AIFM2: variants seen among roughly 807,000 people sequenced by gnomAD.
AIFM2 encodes ferroptosis suppressor protein 1.
Under a neutral mutation model 35.7 loss-of-function variants are expected in AIFM2, and 38 were observed. The observed-to-expected ratio is 1.06, with a 90% confidence interval of 0.82 to 1.39. The LOEUF (loss-of-function observed/expected upper bound fraction) is 1.39. AIFM2 is among the 40% of genes most tolerant of loss of function. The probability of loss-of-function intolerance (pLI) is 0.00; values close to 1 mark genes in which losing one functional copy is unlikely to be tolerated. For missense variants in AIFM2, 476 were observed against 491.2 expected (o/e 0.97, Z 0.29); for synonymous variants, 185 against 203.5 (o/e 0.91, Z 0.77).
rs767679349 is a variant in AIFM2 at position 70,123,928 on chromosome 10, G to A, written c.157C>T (p.Leu53Phe). Residue 53 changes from leucine to phenylalanine, a missense_variant, in exon 2 of 9, where the codon CTC becomes TTC. By Grantham distance (22) the Leu-to-Phe change is conservative (BLOSUM62 0). Transcript: ENST00000307864. Reference sequence around the variant, plus strand: ...TTACCTGTCTCCACGGAGGCTCGGAGAGCAGCCACATTGTGGTGGAAGGAG... The same window carrying A: ...TTACCTGTCTCCACGGAGGCTCGGAAAGCAGCCACATTGTGGTGGAAGGAG... ...KDSFHHNVAALRASVETGFAK... is the reference protein window; with the variant it reads ...KDSFHHNVAAFRASVETGFAK... The A allele has an allele frequency of 6.3e-7, 1 of 1,596,816 alleles. No homozygotes were observed. Among genetic ancestry groups the A allele is most frequent in the East Asian group, 2.3e-5 (1 of 44,276 alleles).
chr10:70,115,628 T>C (rs1029091476), intron 7 of AIFM2, among the ~76,000 whole-genome samples: 1 of 152,116 alleles, frequency 6.6e-6, no homozygotes, highest in Non-Finnish European at 1.5e-5. Flanking sequence ...TAGCCGGGCT[T>C]AGTGGCATAC....
chr10:70,130,639 A>T (rs186768046), intron 1 of AIFM2, among the ~76,000 whole-genome samples: 1 of 152,308 alleles, frequency 6.6e-6, no homozygotes, highest in Admixed American at 6.5e-5. Flanking sequence ...ATTTGTGTAC[A>T]GGTTTTTGTG....
intron 7 of AIFM2, among the ~76,000 whole-genome samples, chr10:70,116,259 G>A (rs2072434203): frequency 6.6e-6 from 1 of 152,220 alleles, no homozygotes. Flanking sequence ...TGGGTTTGGG[G>A]GCGGCAGCAC....
Position 70,124,012 on chromosome 10 carries a change from C to G in AIFM2, c.73G>C (p.Ala25Pro). Residue 25 changes from alanine (A) to proline (P), a missense_variant, in exon 2 of 9, where the codon GCA (alanine) becomes CCA (proline). Ala to Pro is a conservative substitution (Grantham distance 27). Transcript: ENST00000307864. ...VIVGGGFGGI[A>P]AASQLQALNV... ...AGGGCCTGCAGCTGGCTGGCTGCTGCGATCCCGCCAAAGCCCCCACCCACA... is the reference window on the plus strand; with the variant it reads ...AGGGCCTGCAGCTGGCTGGCTGCTGGGATCCCGCCAAAGCCCCCACCCACA... 6.2e-7 allele frequency: 1 copy of G among 1,612,070 alleles called. No homozygotes were observed. The highest frequency in any genetic ancestry group is 8.5e-7 in the Non-Finnish European group (1 of 1,178,994).
intron 7 of AIFM2, 40 bp downstream of exon 7, chr10:70,116,582 C>T (rs1438670032): frequency 1.2e-6 from 2 of 1,610,814 alleles, no homozygotes; most frequent in Admixed American, 3.3e-5. Context: ...TACTGGAGAG[C>T]AAGGAGGCAC....
At chr10:70,130,375 G>A (rs1287372094) in intron 1 of AIFM2, among the ~76,000 whole-genome samples, 1 of 152,032 alleles carries the variant, frequency 6.6e-6, no homozygotes, top group African/African-American at 2.4e-5. Flanking sequence ...CTATAGATTT[G>A]TCTGTTCTAG....
intron 1 of AIFM2, among the ~76,000 whole-genome samples, chr10:70,129,148 A>C (rs2072600601): frequency 7.0e-6 from 1 of 142,978 alleles, no homozygotes; most frequent in South Asian, 2.2e-4. Context: ...TTTTTTGTAG[A>C]GATGAGGGTC....
At chr10:70,115,260 A>C in intron 7 of AIFM2, 140 bp from the exon 8 acceptor site, 1 of 831,140 alleles carries the variant, frequency 1.2e-6, no homozygotes, top group South Asian at 1.6e-5. Context: ...CACCCCCTGG[A>C]GGTGCCTGCT....
intron 8 of AIFM2, 142 bp from the exon 9 acceptor site, chr10:70,114,471 T>A (rs2072411479): frequency 7.2e-6 from 7 of 978,912 alleles, no homozygotes; most frequent in Non-Finnish European, 1.0e-5. Flanking sequence ...GAGACCCTGA[T>A]TTTTTTTTGT....
chr10:70,121,995 G>A (rs971029940), intron 3 of AIFM2, among the ~76,000 whole-genome samples: 1 of 151,896 alleles, frequency 6.6e-6, no homozygotes, highest in Non-Finnish European at 1.5e-5. Context: ...AGGAGGCTGG[G>A]GCAGGAGGAT....
At chr10:70,129,941 T>C (rs1444395310) in intron 1 of AIFM2, among the ~76,000 whole-genome samples, 1 of 151,902 alleles carries the variant, frequency 6.6e-6, no homozygotes, top group Non-Finnish European at 1.5e-5. Flanking sequence ...CCCAACACTT[T>C]GGGAGGCCAA....
intron 5 of AIFM2, 106 bp downstream of exon 5, chr10:70,120,401 A>G (rs1564552342): frequency 8.7e-7 from 1 of 1,145,870 alleles, no homozygotes; most frequent in Admixed American, 1.7e-5. Flanking sequence ...AGTTTATGTG[A>G]ATAGAGCTCC....
At chr10:70,116,361 G>A (rs549449732) in intron 7 of AIFM2, among the ~76,000 whole-genome samples, 6 of 152,216 alleles carry the variant, frequency 3.9e-5, no homozygotes, top group Admixed American at 6.5e-5. Flanking sequence ...TCTCTCTGAC[G>A]CCTGTTCCCA....
intron 1 of AIFM2, among the ~76,000 whole-genome samples, chr10:70,130,931 GACAC>G (rs371849602): frequency 6.6e-6 from 1 of 151,642 alleles, no homozygotes; most frequent in African/African-American, 2.4e-5. Flanking sequence ...CATACACACA[GACAC>G]ACACACACAC....
intron 7 of AIFM2, among the ~76,000 whole-genome samples, chr10:70,115,599 C>T (rs2072427334): frequency 6.6e-6 from 1 of 152,164 alleles, no homozygotes; most frequent in African/African-American, 2.4e-5. Context: ...AAACCCATCT[C>T]TACTAAAAAT....
In AIFM2 at chr10:70,123,817, T is replaced by C. The variant is rs554634766; in HGVS notation, c.178+90A>G. On this transcript the variant is annotated intron_variant, in intron 2 of 8. Coordinates refer to ENST00000307864, the MANE Select transcript of AIFM2 (RefSeq NM_032797.6). ...TGGAATGCAGGCACTTGGCCCTAAA[T>C]GGAGAAAACCACCCCCAGCCCTAAA... The C allele has an allele frequency of 1.5e-5, 21 of 1,359,806 alleles. No individual in the cohort carries two copies. The African/African-American group carries it at 3.0e-4, about 19-fold the overall frequency. The allele number at this position is 1,359,806 out of a possible 1,614,324, so 84.2% of individuals were successfully genotyped here.
intron 4 of AIFM2, 63 bp from the exon 5 acceptor site, chr10:70,120,662 G>T: frequency 1.9e-6 from 3 of 1,576,002 alleles, no homozygotes; most frequent in Non-Finnish European, 2.6e-6. Context: ...ACCTCTGTCT[G>T]CTGGTTCAGC....
rs1227160546 is a variant in AIFM2 at position 70,113,850 on chromosome 10, A to C, written c.*328T>G. ...GCGTCATGACCACAAGCACGTACAC[A>C]CACATGCACATCCCAGAGGAGGCAG... On this transcript the variant is annotated 3_prime_UTR_variant, in exon 9 of 9. Coordinates refer to ENST00000307864, the MANE Select transcript of AIFM2 (RefSeq NM_032797.6). 2 of 283,790 alleles carry C rather than the reference A, an allele frequency of 7.0e-6. No individual in the cohort carries two copies. Among genetic ancestry groups the C allele is most frequent in the Non-Finnish European group, 1.3e-5 (2 of 149,874 alleles). The allele number at this position is 283,790 out of a possible 1,614,324, so 17.6% of individuals were successfully genotyped here. A position where few individuals can be genotyped will look rare whatever the true frequency, so the allele number is the denominator to read the frequency against.
chr10:70,126,258 C>G (rs1419240267), intron 1 of AIFM2, among the ~76,000 whole-genome samples: 2 of 152,228 alleles, frequency 1.3e-5, no homozygotes, highest in African/African-American at 4.8e-5. Flanking sequence ...CAGAAATAAG[C>G]CAGGCTGCTG....
Sources: allele counts gnomAD v4.1 joint callset (sites outside exome capture counted in the v4.1 genomes callset), GRCh38; gene constraint gnomAD v4.1.1; transcripts MANE v1.5; gene names NCBI Gene and HGNC (gene_info 2026-07-23, HGNC 2026-07-21).